NFIB: variants seen among roughly 807,000 people sequenced by gnomAD.
NFIB encodes nuclear factor I B, also known as nuclear factor 1 B-type.
Under a neutral mutation model 61.5 loss-of-function variants are expected in NFIB, and 11 were observed. That is an observed-to-expected ratio of 0.18 (90% CI 0.11 to 0.30). The LOEUF is 0.30. Among genes scored for constraint, NFIB ranks in the 10% least tolerant of loss-of-function variants. NFIB has a pLI of 1.00. For synonymous variants in NFIB, 260 were observed against 216.5 expected (o/e 1.20, Z -1.76); for missense variants, 471 against 608.9 (o/e 0.77, Z 2.38).
chr9:14,322,913 G>A (rs936137185), intron 1 of NFIB, among the ~76,000 whole-genome samples: 1 of 151,950 alleles, frequency 6.6e-6, no homozygotes. Flanking sequence ...TCCCGACCGT[G>A]TGTCTGCGGC....
chr9:14,456,939 C>A, the NFIB span, among the ~76,000 whole-genome samples: 1 of 152,134 alleles, frequency 6.6e-6, no homozygotes, highest in East Asian at 1.9e-4. Context: ...AACTCGAATG[C>A]CCAGTTTTGG....
chr9:14,371,726 T>A (rs557883406), intron 1 of NFIB, among the ~76,000 whole-genome samples: 4 of 152,318 alleles, frequency 2.6e-5, no homozygotes, highest in African/African-American at 4.8e-5. Context: ...ATTCATTTGG[T>A]AGTAGCTACC....
the NFIB span, among the ~76,000 whole-genome samples, chr9:14,482,710 A>C: frequency 6.6e-6 from 1 of 152,318 alleles, no homozygotes; most frequent in East Asian, 1.9e-4. Flanking sequence ...AATGAACCAC[A>C]ACAGCCTCAT....
rs895740002 is a variant in NFIB, at chr9:14,386,615, A to G, written c.108+11909T>C. Among the ~76,000 whole-genome samples, 5 of 46,716 alleles carry G rather than the reference A, an allele frequency of 1.1e-4. No individual in the cohort carries two copies. The East Asian group carries it at 0.012, about 113-fold the overall frequency. The allele number at this position is 46,716 out of a possible 152,430, so 30.6% of individuals were successfully genotyped here. On this transcript the variant is annotated intron_variant, in intron 1 of 8. Transcript: ENST00000380934. ...AACTCATGAGAGCCTCTTAGGGGAC[A>G]AAATCAATCAGTGTTATTATTTCTG...
At chr9:14,344,401 T>A (rs974230645) in intron 1 of NFIB, among the ~76,000 whole-genome samples, 8 of 147,680 alleles carry the variant, frequency 5.4e-5, no homozygotes, top group African/African-American at 2.0e-4. Context: ...TAGTCTATTG[T>A]TGTCTCAGAA....
the NFIB span, among the ~76,000 whole-genome samples, chr9:14,477,609 G>A: frequency 6.6e-6 from 1 of 152,154 alleles, no homozygotes; most frequent in Non-Finnish European, 1.5e-5. Flanking sequence ...GAGGTTGGTG[G>A]CTGTTCTGGT....
intron 2 of NFIB, among the ~76,000 whole-genome samples, chr9:14,215,000 G>C (rs923967478): frequency 6.6e-6 from 1 of 152,204 alleles, no homozygotes; most frequent in East Asian, 1.9e-4. Flanking sequence ...GGCCAAAGGA[G>C]AAACAAGGAG....
At chr9:14,437,298 T>C in the NFIB span, among the ~76,000 whole-genome samples, 1 of 152,232 alleles carries the variant, frequency 6.6e-6, no homozygotes, top group Non-Finnish European at 1.5e-5. Flanking sequence ...TAGTTATCTT[T>C]TATGTGTTTT....
the NFIB span, among the ~76,000 whole-genome samples, chr9:14,475,154 C>T: frequency 6.6e-6 from 1 of 152,184 alleles, no homozygotes; most frequent in Non-Finnish European, 1.5e-5. Context: ...TAATTTAATC[C>T]TCATAAAATC....
the NFIB span, among the ~76,000 whole-genome samples, chr9:14,509,572 C>G: frequency 2.0e-5 from 3 of 152,334 alleles, no homozygotes; most frequent in Non-Finnish European, 4.4e-5. Context: ...CACAGATAGC[C>G]TGTACTTTGT....
chr9:14,350,094 T>C (rs897572113), intron 1 of NFIB, among the ~76,000 whole-genome samples: 1 of 152,106 alleles, frequency 6.6e-6, no homozygotes, highest in African/African-American at 2.4e-5. Context: ...CCGGGGACCC[T>C]CCTGGGCCTG....
chr9:14,479,257 G>C, the NFIB span, among the ~76,000 whole-genome samples: 1 of 152,184 alleles, frequency 6.6e-6, no homozygotes, highest in Admixed American at 6.5e-5. Context: ...AGGGGGCTCT[G>C]GGAGTGCATG....
intron 1 of NFIB, among the ~76,000 whole-genome samples, chr9:14,396,548 A>G (rs1037726623): frequency 3.6e-4 from 52 of 144,268 alleles, no homozygotes; most frequent in African/African-American, 1.4e-3. Context: ...GGCTTTGGGG[A>G]AAAAAAAACA....
At chr9:14,383,898 G>C (rs772127967) in intron 1 of NFIB, among the ~76,000 whole-genome samples, 1 of 152,216 alleles carries the variant, frequency 6.6e-6, no homozygotes, top group Non-Finnish European at 1.5e-5. Flanking sequence ...ACAACTGCAA[G>C]AGCGCCATGG....
At chr9:14,509,819 G>C in the NFIB span, among the ~76,000 whole-genome samples, 2 of 152,152 alleles carry the variant, frequency 1.3e-5, no homozygotes, top group African/African-American at 4.8e-5. Context: ...TAGCAGGTGT[G>C]GTAAGTTCTT....
chr9:14,291,932 G>A (rs369091793), intron 2 of NFIB, among the ~76,000 whole-genome samples: 1 of 152,032 alleles, frequency 6.6e-6, no homozygotes. Context: ...TTAGTTGAGT[G>A]CAATTTAGTG....
At chr9:14,104,164 C>A (rs1239923490) in intron 10 of NFIB, among the ~76,000 whole-genome samples, 1 of 152,036 alleles carries the variant, frequency 6.6e-6, no homozygotes. Context: ...CCGCCCACCT[C>A]AGCCTCCTAA....
At chr9:14,331,468 G>A (rs2060819721) in intron 1 of NFIB, among the ~76,000 whole-genome samples, 1 of 152,192 alleles carries the variant, frequency 6.6e-6, no homozygotes, top group East Asian at 1.9e-4. Context: ...ATTATCAATA[G>A]GGTAGATCTT....
At chr9:14,388,549 G>A (rs73419662) in intron 1 of NFIB, among the ~76,000 whole-genome samples, 2,046 of 151,956 alleles carry the variant, frequency 0.013, 48 homozygotes, top group African/African-American at 0.046. Flanking sequence ...AGGGAAAAAT[G>A]CAAAAGAATA....
Sources: gnomAD v4.1 joint callset for allele counts (sites outside exome capture counted in the v4.1 genomes callset) on GRCh38, gnomAD v4.1.1 for gene constraint, MANE v1.5 for transcripts, NCBI Gene and HGNC (gene_info 2026-07-23, HGNC 2026-07-21) for gene names.